EIF2AK1: variants seen among roughly 807,000 people sequenced by gnomAD.
EIF2AK1 encodes eukaryotic translation initiation factor 2-alpha kinase 1.
EIF2AK1 carries 54 observed loss-of-function variants against 77.9 expected under a neutral mutation model. The ratio of observed to expected loss-of-function variants is 0.69; its 90% CI spans 0.56 to 0.87. The LOEUF (loss-of-function observed/expected upper bound fraction) is 0.87, where lower values mean the gene tolerates loss of function less well. EIF2AK1 is among the 40% of genes least tolerant of loss of function. The pLI, the probability that EIF2AK1 is intolerant of heterozygous loss-of-function variation, is 0.00. For synonymous variants in EIF2AK1, 314 were observed against 290.5 expected (o/e 1.08, Z -0.82); for missense variants, 810 against 768.6 (o/e 1.05, Z -0.64).
At chr7:6,051,397 G>C (rs1360016560) in intron 2 of EIF2AK1, among the ~76,000 whole-genome samples, 1 of 151,274 alleles carries the variant, frequency 6.6e-6, no homozygotes, top group Non-Finnish European at 1.5e-5. Context: ...TCAGTCGCCT[G>C]AGTAGCTGGG....
chr7:6,024,344 C>T lies in EIF2AK1; in HGVS notation c.*329G>A, dbSNP rs1787676574. ...GTGCAGGCCCGGGCTTGGGCAGTGA[C>T]GAGGGCAGGGAGCACACATCAATTT... is the stretch of plus-strand genomic sequence containing the variant. On this transcript the variant is annotated 3_prime_UTR_variant, in exon 15 of 15. Coordinates refer to ENST00000199389, the MANE Select transcript of EIF2AK1 (RefSeq NM_014413.4). 1.1e-5 allele frequency: 13 copies of T among 1,221,566 alleles called. No individual in the cohort carries two copies. The highest frequency in any genetic ancestry group is 1.0e-4 in the East Asian group (2 of 19,850). The allele number at this position is 1,221,566 out of a possible 1,614,324, so 75.7% of individuals were successfully genotyped here. A position where few individuals can be genotyped will look rare whatever the true frequency, so the allele number is the denominator to read the frequency against.
At chr7:6,039,877 C>CAGTGAGCCG (rs1289251505) in intron 9 of EIF2AK1, among the ~76,000 whole-genome samples, 1 of 151,658 alleles carries the variant, frequency 6.6e-6, no homozygotes, top group Non-Finnish European at 1.5e-5. Flanking sequence ...GCAGAGGTTT[C>CAGTGAGCCG]AGTGAGCCGA....
At chr7:6,046,391 T>C in intron 5 of EIF2AK1, 2 of 275,090 alleles carry the variant, frequency 7.3e-6, no homozygotes, top group Non-Finnish European at 1.3e-5. Flanking sequence ...AAAAGGTGTA[T>C]GTTAGCTCAA....
At chr7:6,056,611 A>AAAAAAAAAAAAAAAAAAATATAT (rs1788773483) in intron 1 of EIF2AK1, among the ~76,000 whole-genome samples, 1 of 31,160 alleles carries the variant, frequency 3.2e-5, no homozygotes, top group African/African-American at 1.2e-4. Flanking sequence ...AAAAAAAAAA[A>AAAAAAAAAAAAAAAAAAATATAT]AAATATATAT....
Position 6,036,261 on chromosome 7 carries a change from G to A in EIF2AK1, c.1332+1163C>T. 9 of 1,549,774 alleles carry A rather than the reference G, an allele frequency of 5.8e-6. No homozygotes were observed. The highest frequency in any genetic ancestry group is 1.4e-5 in the African/African-American group (1 of 73,020). ...ATCGCAAAAACCTTTATCCCTACAGGGTATCTGCAAAAGAAACATCAGGAA... is the reference window on the plus strand; with the variant it reads ...ATCGCAAAAACCTTTATCCCTACAGAGTATCTGCAAAAGAAACATCAGGAA... On this transcript the variant is annotated intron_variant, in intron 11 of 14. Transcript: ENST00000199389. This position sits in a 1 kb window ranked among gnomAD's most constrained non-coding sequence, Gnocchi z 4.6.
rs1186687349 is a variant in EIF2AK1 at position 6,026,355 on chromosome 7, T to A, written c.1764+373A>T. ...ACCTGGACATCTAAAGGCCTAGCCA[T>A]GAGAAGGTGCAAACCCTGCGGGCCC... is the stretch of plus-strand genomic sequence containing the variant. On this transcript the variant is annotated intron_variant, in intron 14 of 14. Transcript: ENST00000199389. The A allele has an allele frequency of 1.4e-4, 63 of 447,784 alleles. 1 individual carries two copies. The highest frequency in any genetic ancestry group is 2.2e-4 in the Non-Finnish European group (48 of 219,492). 27.7% of individuals were successfully genotyped at this position (447,784 alleles called of 1,614,324 possible).
In EIF2AK1 at chr7:6,023,322, A is replaced by T; in HGVS notation, c.*1351T>A. 1 of 1,602,342 alleles carries T rather than the reference A, an allele frequency of 6.2e-7. No homozygotes were observed. Among genetic ancestry groups the T allele is most frequent in the Non-Finnish European group, 8.5e-7 (1 of 1,175,444 alleles). ...TTTCAGTGCCGAAGACGCAGATGAA[A>T]TTCAGCATCCAGACGATGTGCCCCA... On this transcript the variant is annotated 3_prime_UTR_variant, in exon 15 of 15. Transcript: ENST00000199389.
intron 2 of EIF2AK1, among the ~76,000 whole-genome samples, chr7:6,053,866 T>A (rs1321219912): frequency 6.6e-6 from 1 of 150,608 alleles, no homozygotes; most frequent in African/African-American, 2.4e-5. Flanking sequence ...GAGATGGGAT[T>A]TCACCATGTT....
chr7:6,026,386 G>A (rs903753282), intron 14 of EIF2AK1: 1 of 506,468 alleles, frequency 2.0e-6, no homozygotes, highest in Admixed American at 2.3e-5. Context: ...GGCCCCTCCG[G>A]CCTTTCCGGG....
rs542127109 is a variant in EIF2AK1, at chr7:6,035,830, C to T, written c.1332+1594G>A. ...AACGTCAACTGTGCTGTCTCTTCCA[C>T]GGGGAACACGCCCCTGAAGCTTGCA... On this transcript the variant is annotated intron_variant, in intron 11 of 14. Transcript: ENST00000199389. The surrounding 1 kb of genome is among the most constrained non-coding windows in gnomAD (Gnocchi z 5.5). The T allele has an allele frequency of 1.5e-4, 233 of 1,548,850 alleles. No individual in the cohort carries two copies. Among genetic ancestry groups the T allele is most frequent in the Non-Finnish European group, 9.1e-5 (104 of 1,145,652 alleles).
At position 6,038,586 on chromosome 7, in the gene EIF2AK1, C is replaced by G; in HGVS notation, c.1205G>C (p.Gly402Ala). ...GGCAGACTCGTCCACATACTCCCGG[C>G]CCCGCTTGTTTCTCTCGACTATCCA... ...WDWIVERNKR[G>A]REYVDESACP... Residue 402 changes from glycine to alanine, a missense_variant, in exon 10 of 15, where the codon GGC becomes GCC. Around this residue, in one of 3 missense-constraint regions of EIF2AK1, gnomAD observed 549 missense variants for 533.7 expected, o/e 1.03. Transcript: ENST00000199389. 2.5e-6 allele frequency: 4 copies of G among 1,612,988 alleles called. No individual in the cohort carries two copies. The highest frequency in any genetic ancestry group is 3.4e-6 in the Non-Finnish European group (4 of 1,179,482).
Position 6,024,333 on chromosome 7 carries a change from T to C in EIF2AK1, c.*340A>G, listed in dbSNP as rs977272752. On this transcript the variant is annotated 3_prime_UTR_variant, in exon 15 of 15. Transcript: ENST00000199389. ...CCAGTGAGTATGTGCAGGCCCGGGC[T>C]TGGGCAGTGACGAGGGCAGGGAGCA... is the stretch of plus-strand genomic sequence containing the variant. 1.4e-5 allele frequency: 17 copies of C among 1,223,142 alleles called. No homozygotes were observed. The highest frequency in any genetic ancestry group is 1.7e-5 in the Non-Finnish European group (16 of 967,206). The allele number at this position is 1,223,142 out of a possible 1,614,324, so 75.8% of individuals were successfully genotyped here. A position where few individuals can be genotyped will look rare whatever the true frequency, so the allele number is the denominator to read the frequency against.
intron 8 of EIF2AK1, among the ~76,000 whole-genome samples, chr7:6,041,667 C>A (rs1272286244): frequency 5.9e-5 from 9 of 151,870 alleles, no homozygotes; most frequent in Admixed American, 2.0e-4. Context: ...TGGTGAAACG[C>A]CATCTCTACT....
intron 6 of EIF2AK1, among the ~76,000 whole-genome samples, chr7:6,045,109 A>ATTT (rs758550375): frequency 6.9e-6 from 1 of 144,336 alleles, no homozygotes; most frequent in Non-Finnish European, 1.5e-5. Context: ...AATAATAGAA[A>ATTT]TTTTTTTTTT....
intron 4 of EIF2AK1, among the ~76,000 whole-genome samples, chr7:6,048,313 T>G (rs773294920): frequency 6.6e-6 from 1 of 152,214 alleles, no homozygotes; most frequent in Non-Finnish European, 1.5e-5. Context: ...GGATATTTCA[T>G]AGAAATGAAA....
chr7:6,056,490 T>A (rs852148), intron 1 of EIF2AK1, among the ~76,000 whole-genome samples: 89,214 of 144,570 alleles, frequency 0.62, 27,628 homozygotes, highest in African/African-American at 0.71. Flanking sequence ...GCTACTCCGG[T>A]GGCTGAGGCA....
intron 3 of EIF2AK1, 42 bp downstream of exon 3, chr7:6,049,870 G>A (rs759797265): frequency 4.3e-5 from 66 of 1,526,742 alleles, no homozygotes; most frequent in Non-Finnish European, 5.4e-5. Flanking sequence ...TAAAATTAAA[G>A]TATATTTTTG....
In EIF2AK1 at chr7:6,052,637, C is replaced by CT. The variant is rs530560578; in HGVS notation, c.277+1908dup. Among the ~76,000 whole-genome samples, 281 of 113,218 alleles carry CT rather than the reference C, an allele frequency of 2.5e-3. 1 individual carries two copies. The highest frequency in any genetic ancestry group is 5.1e-3 in the Middle Eastern group (1 of 198). 74.3% of individuals were successfully genotyped at this position (113,218 alleles called of 152,430 possible). A position where few individuals can be genotyped will look rare whatever the true frequency, so the allele number is the denominator to read the frequency against. On this transcript the variant is annotated intron_variant, in intron 2 of 14. Coordinates refer to ENST00000199389, the MANE Select transcript of EIF2AK1 (RefSeq NM_014413.4). ...CTCAGAATCTCTGGCTGGAACTATT[C>CT]TTTTTTTTTTTTTTCTCTAGAGGCA...
At chr7:6,053,841 AT>A (rs34993470) in intron 2 of EIF2AK1, among the ~76,000 whole-genome samples, 3 of 145,824 alleles carry the variant, frequency 2.1e-5, no homozygotes, top group Non-Finnish European at 3.0e-5. Context: ...GTAGTTTTGC[AT>A]TTTTTTTTTA....
Sources: allele counts gnomAD v4.1 joint callset (sites outside exome capture counted in the v4.1 genomes callset), GRCh38; gene constraint gnomAD v4.1.1; regional missense constraint gnomAD v4.1.1; non-coding constraint Gnocchi (gnomAD v3.1); transcripts MANE v1.5; gene names NCBI Gene and HGNC (gene_info 2026-07-23, HGNC 2026-07-21).